The following CREB3L2 variants were observed in gnomAD, a reference collection of about 807,000 sequenced individuals.
CREB3L2 encodes cAMP responsive element binding protein 3 like 2.
CREB3L2 carries 23 observed loss-of-function variants against 57.2 expected under a neutral mutation model. That is an observed-to-expected ratio of 0.40 (90% confidence interval 0.29 to 0.57). CREB3L2 has a LOEUF of 0.57. Among genes scored for constraint, CREB3L2 ranks in the 20% least tolerant of loss-of-function variants. The pLI, the probability that CREB3L2 is intolerant of heterozygous loss-of-function variation, is 0.42. For synonymous variants in CREB3L2, 268 were observed against 265.1 expected, an observed-to-expected ratio of 1.01 and a Z score of -0.11; for missense variants, 628 against 634.7, an observed-to-expected ratio of 0.99 and a Z score of 0.11.
intron 2 of CREB3L2, among the ~76,000 whole-genome samples, chr7:137,917,126 G>C (rs991472114): frequency 3.3e-5 from 5 of 152,164 alleles, no homozygotes; most frequent in African/African-American, 9.7e-5. Context: ...GAAAACAGCT[G>C]CATCTTGGTG....
chr7:137,950,473 C>A (rs987177151), intron 1 of CREB3L2, among the ~76,000 whole-genome samples: 6 of 152,198 alleles, frequency 3.9e-5, no homozygotes, highest in Non-Finnish European at 7.3e-5. Flanking sequence ...GATATTATCA[C>A]CACTGTTCCC....
chr7:137,950,662 T>C (rs1314343096), intron 1 of CREB3L2, among the ~76,000 whole-genome samples: 2 of 152,202 alleles, frequency 1.3e-5, no homozygotes, highest in African/African-American at 2.4e-5. Flanking sequence ...ATTTATGATT[T>C]AGTTTCAGAG....
intron 1 of CREB3L2, among the ~76,000 whole-genome samples, chr7:137,932,010 T>A (rs948715520): frequency 6.6e-6 from 1 of 152,178 alleles, no homozygotes; most frequent in Admixed American, 6.5e-5. Context: ...AGTTAACCAT[T>A]AGCCAGACTT....
In CREB3L2 at chr7:138,001,082, A is replaced by AACACACACACACACACACACAC. The variant is rs59967148; in HGVS notation, c.102+500_102+521dup. Among the ~76,000 whole-genome samples, 2 of 136,710 alleles carry AACACACACACACACACACACAC rather than the reference A, an allele frequency of 1.5e-5. No homozygotes were observed. The highest frequency in any genetic ancestry group is 3.2e-5 in the Non-Finnish European group (2 of 63,152). 89.7% of individuals were successfully genotyped at this position (136,710 alleles called of 152,430 possible). A position where few individuals can be genotyped will look rare whatever the true frequency, so the allele number is the denominator to read the frequency against. On this transcript the variant is annotated intron_variant, in intron 1 of 11. Transcript: ENST00000330387. The surrounding 1 kb of genome is among the most constrained non-coding windows in gnomAD (Gnocchi z 4.2). ...CTCCCTAACGTAGAGGAGCCCTTTC[A>AACACACACACACACACACACAC]ACACACACACACACACACACACACA... is the stretch of plus-strand genomic sequence containing the variant.
At chr7:137,922,524 T>C (rs1031071100) in intron 2 of CREB3L2, 4 of 379,168 alleles carry the variant, frequency 1.1e-5, no homozygotes, top group East Asian at 7.4e-5. Context: ...TATATATACA[T>C]GTGAACATAG....
intron 11 of CREB3L2, among the ~76,000 whole-genome samples, chr7:137,881,802 G>C (rs1278546468): frequency 6.6e-6 from 1 of 152,052 alleles, no homozygotes; most frequent in Non-Finnish European, 1.5e-5. Flanking sequence ...GTTTACAAAG[G>C]GATTTTTCCC....
intron 4 of CREB3L2, among the ~76,000 whole-genome samples, chr7:137,912,192 T>G (rs1800023798): frequency 6.6e-6 from 1 of 151,948 alleles, no homozygotes; most frequent in African/African-American, 2.4e-5. Flanking sequence ...GCCTGACCAA[T>G]GTGGCAAAAC....
intron 1 of CREB3L2, among the ~76,000 whole-genome samples, chr7:137,963,132 G>T (rs1464916827): frequency 6.6e-6 from 1 of 152,184 alleles, no homozygotes; most frequent in Non-Finnish European, 1.5e-5. Flanking sequence ...CGCCTGGAAA[G>T]TCTAGATAAG....
intron 1 of CREB3L2, among the ~76,000 whole-genome samples, chr7:137,959,990 A>G (rs150498185): frequency 6.6e-6 from 1 of 152,108 alleles, no homozygotes; most frequent in Admixed American, 6.5e-5. Context: ...TCATGGCTTC[A>G]TGTCTCCATT....
chr7:137,900,761 G>A (rs758344647), intron 8 of CREB3L2, among the ~76,000 whole-genome samples: 15 of 151,876 alleles, frequency 9.9e-5, no homozygotes, highest in Non-Finnish European at 2.1e-4. Flanking sequence ...CCGATATCAT[G>A]CCACTGCATT....
chr7:137,985,999 T>C (rs894576693), intron 1 of CREB3L2, among the ~76,000 whole-genome samples: 2 of 152,054 alleles, frequency 1.3e-5, no homozygotes, highest in Non-Finnish European at 2.9e-5. Context: ...TCAGAAACTA[T>C]TGGAGAAAAA....
intron 1 of CREB3L2, among the ~76,000 whole-genome samples, chr7:137,987,374 A>G (rs1333339055): frequency 6.6e-6 from 1 of 152,074 alleles, no homozygotes; most frequent in Admixed American, 6.5e-5. Flanking sequence ...AGTCGTTTGA[A>G]TAAGTTTTCA....
intron 2 of CREB3L2, among the ~76,000 whole-genome samples, chr7:137,918,603 G>A (rs149491248): frequency 1.3e-5 from 2 of 152,088 alleles, no homozygotes; most frequent in African/African-American, 4.8e-5. Flanking sequence ...TGAAATGGAC[G>A]GTAAGGAAGC....
chr7:137,886,051 C>A (rs1374120843), intron 8 of CREB3L2, among the ~76,000 whole-genome samples: 1 of 152,120 alleles, frequency 6.6e-6, no homozygotes, highest in Non-Finnish European at 1.5e-5. Flanking sequence ...TTTTGTGAAC[C>A]AGAAAGCAGG....
chr7:137,946,210 T>C (rs1052953625), intron 1 of CREB3L2, among the ~76,000 whole-genome samples: 6 of 152,258 alleles, frequency 3.9e-5, no homozygotes, highest in African/African-American at 1.4e-4. Flanking sequence ...TTATGACAGA[T>C]GGCAGTCCTG....
chr7:137,945,940 T>A (rs1800965038), intron 1 of CREB3L2, among the ~76,000 whole-genome samples: 1 of 152,206 alleles, frequency 6.6e-6, no homozygotes, highest in Non-Finnish European at 1.5e-5. Context: ...GCCGTTTCTG[T>A]TCTCTCATGA....
rs1450961115 is a variant in CREB3L2 at position 137,982,612 on chromosome 7, A to G, written c.102+18992T>C. On this transcript the variant is annotated intron_variant, in intron 1 of 11. Transcript: ENST00000330387. ...TTGCACAAGCTCTCTCTTGCTTGCC[A>G]CCATGTAAGATGTGCCTTTCACCTT... 3.3e-5 allele frequency among the ~76,000 whole-genome samples: 5 copies of G among 152,192 alleles called. No individual in the cohort carries two copies. In the East Asian group the frequency reaches 9.6e-4, roughly 29 times the overall value.
intron 1 of CREB3L2, among the ~76,000 whole-genome samples, chr7:137,943,431 C>CA (rs1483270067): frequency 6.6e-6 from 1 of 152,162 alleles, no homozygotes; most frequent in Non-Finnish European, 1.5e-5. Flanking sequence ...CTGAGACAAA[C>CA]AACCAGACAG....
chr7:137,907,643 T>C lies in CREB3L2; in HGVS notation c.768+609A>G, dbSNP rs866091476. 1.2e-4 allele frequency among the ~76,000 whole-genome samples: 18 copies of C among 152,326 alleles called. 1 individual carries two copies. Among genetic ancestry groups the C allele is most frequent in the Middle Eastern group, 3.4e-3 (1 of 294 alleles). ...AAATAGCTGATTATAATTTTTAAAA[T>C]TTCATAGAAATCAATTCACTCCTAG... On this transcript the variant is annotated intron_variant, in intron 5 of 11. Transcript: ENST00000330387.
Sources: allele counts gnomAD v4.1 joint callset (sites outside exome capture counted in the v4.1 genomes callset), GRCh38; gene constraint gnomAD v4.1.1; non-coding constraint Gnocchi (gnomAD v3.1); transcripts MANE v1.5; gene names NCBI Gene and HGNC (gene_info 2026-07-23, HGNC 2026-07-21).